GLT1D1: variants seen among roughly 807,000 people sequenced by gnomAD.
GLT1D1 encodes the protein glycosyltransferase 1 domain containing 1, also known as glycosyltransferase 1 domain-containing protein 1.
A neutral mutation model predicts 28.7 loss-of-function variants in GLT1D1; 21 were observed. The observed-to-expected ratio is 0.73, with a 90% CI of 0.52 to 1.05. GLT1D1 has a LOEUF of 1.05. Ranked by LOEUF, GLT1D1 falls within the 50% of genes least tolerant of loss-of-function variation. The probability of loss-of-function intolerance (pLI) is 0.00; values close to 1 mark genes in which losing one functional copy is unlikely to be tolerated. For missense variants in GLT1D1, 343 were observed against 330.6 expected, an observed-to-expected ratio of 1.04 and a Z score of -0.29; for synonymous variants, 147 against 124.8, an observed-to-expected ratio of 1.18 and a Z score of -1.19.
chr12:128,895,332 T>A (rs1181760918), intron 3 of GLT1D1, among the ~76,000 whole-genome samples: 1 of 152,174 alleles, frequency 6.6e-6, no homozygotes, highest in Non-Finnish European at 1.5e-5. Flanking sequence ...AGTATGGTTC[T>A]CATTATTTGA....
intron 7 of GLT1D1, among the ~76,000 whole-genome samples, chr12:128,960,656 G>A (rs757411291): frequency 1.5e-4 from 23 of 151,844 alleles, no homozygotes; most frequent in Admixed American, 4.6e-4. Context: ...ACATGGGAGG[G>A]TGAGGCAGGA....
At chr12:128,952,773 CTTT>C (rs71072430) in intron 6 of GLT1D1, among the ~76,000 whole-genome samples, 1 of 58,936 alleles carries the variant, frequency 1.7e-5, no homozygotes, top group African/African-American at 7.9e-5. Flanking sequence ...CCGTGACTGG[CTTT>C]TTTTTTTTTT....
At chr12:128,924,030 G>A (rs371527211) in intron 4 of GLT1D1, among the ~76,000 whole-genome samples, 3 of 151,946 alleles carry the variant, frequency 2.0e-5, no homozygotes, top group East Asian at 3.9e-4. Flanking sequence ...ATGTGTGTCC[G>A]CTGGGCTCAC....
intron 4 of GLT1D1, among the ~76,000 whole-genome samples, chr12:128,901,860 AC>A (rs1870315318): frequency 6.7e-6 from 1 of 150,180 alleles, no homozygotes; most frequent in Admixed American, 6.6e-5. Flanking sequence ...CCATCCTCCC[AC>A]CTCGGCCTCC....
At chr12:128,912,509 A>G in intron 4 of GLT1D1, 49 bp downstream of exon 5, 1 of 896,802 alleles carries the variant, frequency 1.1e-6, no homozygotes, top group Non-Finnish European at 1.7e-6. Context: ...ATAGAGAATG[A>G]ATATATCAAA....
chr12:128,867,954 C>T (rs1036934540), intron 1 of GLT1D1, among the ~76,000 whole-genome samples: 5 of 152,138 alleles, frequency 3.3e-5, no homozygotes, highest in Non-Finnish European at 7.4e-5. Flanking sequence ...ACAATAAGGG[C>T]GCTAAGCTAT....
At chr12:128,861,904 T>C (rs1956387212) in intron 1 of GLT1D1, among the ~76,000 whole-genome samples, 2 of 152,238 alleles carry the variant, frequency 1.3e-5, no homozygotes, top group Admixed American at 1.3e-4. Context: ...TTTTCTAGAT[T>C]TTCTTTTGAG....
At chr12:128,865,834 A>C (rs563150261) in intron 1 of GLT1D1, among the ~76,000 whole-genome samples, 1 of 152,172 alleles carries the variant, frequency 6.6e-6, no homozygotes, top group Admixed American at 6.6e-5. Flanking sequence ...AAACAAAACA[A>C]AACAAAACAA....
intron 4 of GLT1D1, among the ~76,000 whole-genome samples, chr12:128,931,814 G>T (rs1295399550): frequency 4.6e-5 from 7 of 152,124 alleles, no homozygotes; most frequent in African/African-American, 1.7e-4. Flanking sequence ...GGGTGAATGT[G>T]TGTGGTTTTT....
chr12:128,951,289 G>T (rs1876668758), intron 6 of GLT1D1, among the ~76,000 whole-genome samples: 1 of 152,110 alleles, frequency 6.6e-6, no homozygotes, highest in Non-Finnish European at 1.5e-5. Context: ...TGTAATCCCA[G>T]CTACTAGGGT....
chr12:128,874,969 T>G lies in GLT1D1; in HGVS notation c.69-945T>G, dbSNP rs142794026. On this transcript the variant is annotated intron_variant, in intron 1 of 7. Coordinates refer to ENST00000281703, the MANE Select transcript of GLT1D1 (RefSeq NM_144669.3). ...ACTATTGAAAAAATTTCTTTTTTGT[T>G]TATGAGGTATTTTATATTTATGTTA... Among the ~76,000 whole-genome samples the G allele has an allele frequency of 1.3e-3, 201 of 152,248 alleles. 2 individuals are homozygous for G. The East Asian group carries it at 0.032, about 24-fold the overall frequency.
chr12:128,947,408 G>C lies in GLT1D1; in HGVS notation c.490G>C (p.Ala164Pro), dbSNP rs759619312. The C allele has an allele frequency of 1.9e-6, 3 of 1,613,970 alleles. No individual in the cohort carries two copies. In the Admixed American group the frequency reaches 5.0e-5, roughly 27 times the overall value. The change falls in exon 6 of 8, where the codon GCG becomes CCG. Residue 164 changes from alanine to proline, a missense_variant. Coordinates refer to ENST00000281703, the MANE Select transcript of GLT1D1 (RefSeq NM_144669.3). ...GCACGCGGTGGTGAAGAATTGCTTC[G>C]CGGTGGTGAATAGCTCTGTCTCTGA...
At chr12:128,877,430 T>C (rs991939315) in intron 2 of GLT1D1, among the ~76,000 whole-genome samples, 1 of 152,220 alleles carries the variant, frequency 6.6e-6, no homozygotes, top group Non-Finnish European at 1.5e-5. Flanking sequence ...CCACACTGTA[T>C]CAAACCTTAT....
At chr12:128,881,296 T>G (rs942797414) in intron 2 of GLT1D1, among the ~76,000 whole-genome samples, 1 of 148,428 alleles carries the variant, frequency 6.7e-6, no homozygotes, top group Non-Finnish European at 1.5e-5. Context: ...TTTTGAAGGC[T>G]GAGGCAGGCA....
intron 7 of GLT1D1, among the ~76,000 whole-genome samples, chr12:128,976,108 C>CGTT (rs1555222184): frequency 6.6e-6 from 1 of 152,232 alleles, no homozygotes; most frequent in Non-Finnish European, 1.5e-5. Flanking sequence ...GTCAGATGCA[C>CGTT]GTTCCTCTTC....
chr12:128,929,384 C>A (rs755717048), intron 4 of GLT1D1, among the ~76,000 whole-genome samples: 2 of 152,186 alleles, frequency 1.3e-5, no homozygotes, highest in African/African-American at 4.8e-5. Context: ...ACGCACTTAG[C>A]GTTTCCAGCC....
At chr12:128,934,694 G>A (rs867088927) in intron 4 of GLT1D1, among the ~76,000 whole-genome samples, 1 of 152,208 alleles carries the variant, frequency 6.6e-6, no homozygotes, top group African/African-American at 2.4e-5. Flanking sequence ...AGAAGACAAG[G>A]TCTCACTAAG....
intron 1 of GLT1D1, among the ~76,000 whole-genome samples, chr12:128,854,394 CGTGTGTGTGTGTGTGTGTGT>C (rs56655033): frequency 1.4e-5 from 2 of 143,952 alleles, no homozygotes; most frequent in South Asian, 2.3e-4. Flanking sequence ...TAACAGAAGC[CGTGTGTGTGTGTGTGTGTGT>C]GTGTGTGTGT....
chr12:128,869,026 C>T (rs1391221342), intron 1 of GLT1D1, among the ~76,000 whole-genome samples: 2 of 152,162 alleles, frequency 1.3e-5, no homozygotes, highest in African/African-American at 2.4e-5. Context: ...TGCACTACCA[C>T]GCCCAGCTAA....
Sources: gnomAD v4.1 joint callset for allele counts (sites outside exome capture counted in the v4.1 genomes callset) on GRCh38, gnomAD v4.1.1 for gene constraint, MANE v1.5 for transcripts, NCBI Gene and HGNC (gene_info 2026-07-23, HGNC 2026-07-21) for gene names.